NRXN3: variants seen among roughly 807,000 people sequenced by gnomAD.
NRXN3 encodes the protein neurexin III.
A neutral mutation model predicts 137.6 loss-of-function variants in NRXN3; 32 were observed. The observed-to-expected ratio is 0.23, with a 90% CI of 0.18 to 0.31. The LOEUF is 0.31. Ranked by LOEUF, NRXN3 falls within the 10% of genes least tolerant of loss-of-function variation. The pLI, the probability that NRXN3 is intolerant of heterozygous loss-of-function variation, is 1.00. For missense variants in NRXN3, 1,574 were observed against 2,062.5 expected, an observed-to-expected ratio of 0.76 and a Z score of 4.59; for synonymous variants, 798 against 784.5, an observed-to-expected ratio of 1.02 and a Z score of -0.29.
At chr14:79,449,739 C>A (rs2096131482) in intron 15 of NRXN3, among the ~76,000 whole-genome samples, 4 of 152,152 alleles carry the variant, frequency 2.6e-5, no homozygotes, top group African/African-American at 9.7e-5. Flanking sequence ...CCTGCAATCC[C>A]AGCTCTCTGG....
intron 15 of NRXN3, among the ~76,000 whole-genome samples, chr14:79,276,722 A>AAG (rs1481551333): frequency 6.6e-6 from 1 of 151,898 alleles, no homozygotes; most frequent in African/African-American, 2.4e-5. Context: ...AAAAAAAAAA[A>AAG]AAAAAGAAAA....
intron 15 of NRXN3, among the ~76,000 whole-genome samples, chr14:79,206,056 A>G (rs1056412628): frequency 2.0e-5 from 3 of 152,130 alleles, no homozygotes; most frequent in African/African-American, 7.2e-5. Context: ...GCCCTCATAA[A>G]AGTCATTCAT....
chr14:79,757,375 C>T (rs1169863913), intron 19 of NRXN3, among the ~76,000 whole-genome samples: 3 of 152,068 alleles, frequency 2.0e-5, no homozygotes, highest in African/African-American at 7.2e-5. Context: ...TGATGATGGT[C>T]CCGTCTTGCA....
intron 6 of NRXN3, among the ~76,000 whole-genome samples, chr14:78,655,074 A>C (rs2097774551): frequency 6.6e-6 from 1 of 152,186 alleles, no homozygotes; most frequent in Non-Finnish European, 1.5e-5. Context: ...GCTATGAGGG[A>C]GACATCATAG....
intron 15 of NRXN3, among the ~76,000 whole-genome samples, chr14:79,363,085 C>T (rs1188754398): frequency 1.3e-5 from 2 of 151,814 alleles, no homozygotes; most frequent in Admixed American, 6.6e-5. Context: ...ACTGCAACCT[C>T]CACCTCCTGG....
At chr14:78,411,628 A>G (rs1013689322) in intron 4 of NRXN3, among the ~76,000 whole-genome samples, 1 of 152,200 alleles carries the variant, frequency 6.6e-6, no homozygotes. Context: ...ACTTCCATGC[A>G]TGGCTGTCTC....
At chr14:79,461,390 T>C (rs1170991838) in intron 15 of NRXN3, among the ~76,000 whole-genome samples, 1 of 152,118 alleles carries the variant, frequency 6.6e-6, no homozygotes, top group African/African-American at 2.4e-5. Context: ...GATGAGACAC[T>C]CCAAAAGAAA....
At chr14:79,224,447 C>T (rs895673984) in intron 15 of NRXN3, among the ~76,000 whole-genome samples, 10 of 152,062 alleles carry the variant, frequency 6.6e-5, no homozygotes, top group Non-Finnish European at 1.5e-4. Context: ...AGTTTAGTTT[C>T]TTACATATGA....
intron 15 of NRXN3, among the ~76,000 whole-genome samples, chr14:79,271,972 G>C (rs910055622): frequency 6.6e-5 from 10 of 152,156 alleles, no homozygotes; most frequent in Admixed American, 2.6e-4. Flanking sequence ...AAGGTAACTT[G>C]TTCAAAGTCA....
chr14:79,707,018 C>T (rs2098783075), intron 19 of NRXN3, among the ~76,000 whole-genome samples: 1 of 152,014 alleles, frequency 6.6e-6, no homozygotes, highest in African/African-American at 2.4e-5. Context: ...GAGGCTGGTC[C>T]CCAACATTGG....
intron 16 of NRXN3, among the ~76,000 whole-genome samples, chr14:79,482,530 T>C (rs1017712571): frequency 2.6e-5 from 4 of 152,176 alleles, no homozygotes; most frequent in South Asian, 2.1e-4. Flanking sequence ...AAAAATAGCA[T>C]CTTCACCCTC....
chr14:78,730,087 G>A (rs1408009420), intron 8 of NRXN3, among the ~76,000 whole-genome samples: 1 of 152,152 alleles, frequency 6.6e-6, no homozygotes, highest in Non-Finnish European at 1.5e-5. Flanking sequence ...CTGGGGCCTA[G>A]CCTCTTGGGC....
intron 20 of NRXN3, among the ~76,000 whole-genome samples, chr14:79,808,254 AAATATAT>A (rs1172331987): frequency 2.4e-5 from 3 of 127,620 alleles, no homozygotes; most frequent in East Asian, 5.0e-4. Context: ...AAAAAAAAAA[AAATATAT>A]ATATATATAT....
At chr14:79,564,992 C>G (rs906368691) in intron 16 of NRXN3, among the ~76,000 whole-genome samples, 2 of 152,064 alleles carry the variant, frequency 1.3e-5, no homozygotes, top group Non-Finnish European at 2.9e-5. Flanking sequence ...GTGTGAGCAT[C>G]ATGACCTCAG....
intron 4 of NRXN3, among the ~76,000 whole-genome samples, chr14:78,622,039 G>C (rs2097410409): frequency 6.6e-6 from 1 of 152,168 alleles, no homozygotes; most frequent in Admixed American, 6.5e-5. Flanking sequence ...GGTTCTGTCA[G>C]ATGAGGATTT....
intron 4 of NRXN3, among the ~76,000 whole-genome samples, chr14:78,345,554 G>A (rs1328379538): frequency 6.6e-6 from 1 of 152,142 alleles, no homozygotes; most frequent in African/African-American, 2.4e-5. Flanking sequence ...GCTCCCAGAG[G>A]CTCAGACAAA....
rs766478471 is a variant in NRXN3 at position 79,562,375 on chromosome 14, C to A, written c.3444+94973C>A. On this transcript the variant is annotated intron_variant, in intron 16 of 20. Coordinates refer to ENST00000335750, the MANE Select transcript of NRXN3 (RefSeq NM_001330195.2). ...CTTGTGGTCGCTCTACTGCTTCCAGCCTGTCATGTCAAGCAGCATTGCCTT... is the reference window on the plus strand; with the variant it reads ...CTTGTGGTCGCTCTACTGCTTCCAGACTGTCATGTCAAGCAGCATTGCCTT... 1.6e-4 allele frequency among the ~76,000 whole-genome samples: 25 copies of A among 152,104 alleles called. 1 individual carries two copies. The highest frequency in any genetic ancestry group is 5.9e-4 in the Admixed American group (9 of 15,256).
intron 2 of NRXN3, among the ~76,000 whole-genome samples, chr14:78,259,906 G>A (rs2070394197): frequency 6.6e-6 from 1 of 152,180 alleles, no homozygotes; most frequent in South Asian, 2.1e-4. Context: ...CTAGGGAGGA[G>A]GGGCAACGCC....
At chr14:79,136,950 A>G (rs185045309) in intron 15 of NRXN3, among the ~76,000 whole-genome samples, 131 of 152,292 alleles carry the variant, frequency 8.6e-4, no homozygotes, top group Middle Eastern at 6.8e-3. Context: ...GAACAACCAC[A>G]GAATTCTCAT....
Sources: gnomAD v4.1 joint callset for allele counts (sites outside exome capture counted in the v4.1 genomes callset) on GRCh38, gnomAD v4.1.1 for gene constraint, MANE v1.5 for transcripts, NCBI Gene and HGNC (gene_info 2026-07-23, HGNC 2026-07-21) for gene names.